The following ADRA1B variants were observed in gnomAD, a reference collection of about 807,000 sequenced individuals.
ADRA1B encodes the protein alpha-1B adrenergic receptor.
Under a neutral mutation model 17.9 loss-of-function variants are expected in ADRA1B, and 17 were observed. The observed-to-expected ratio is 0.95, with a 90% CI of 0.65 to 1.42. The LOEUF (loss-of-function observed/expected upper bound fraction) is 1.42. Among genes scored for constraint, ADRA1B ranks in the 40% most tolerant of loss-of-function variants. ADRA1B has a pLI of 0.00. For missense variants in ADRA1B, 681 were observed against 722.1 expected (o/e 0.94, Z 0.65); for synonymous variants, 366 against 327.6 (o/e 1.12, Z -1.27).
intron 1 of ADRA1B, among the ~76,000 whole-genome samples, chr5:159,919,468 T>C (rs924449686): frequency 1.3e-5 from 2 of 152,248 alleles, no homozygotes; most frequent in African/African-American, 4.8e-5. Context: ...CCTCAGTTTC[T>C]TCGTCTACAA....
chr5:159,887,850 C>A (rs1389559016), intron 1 of ADRA1B, among the ~76,000 whole-genome samples: 2 of 151,512 alleles, frequency 1.3e-5, no homozygotes, highest in Non-Finnish European at 1.5e-5. Context: ...GGAGCCCTAG[C>A]ATTTCGGTGG....
At chr5:159,901,427 AGAGGGGGAGGG>A (rs1259701590) in intron 1 of ADRA1B, among the ~76,000 whole-genome samples, 29 of 31,990 alleles carry the variant, frequency 9.1e-4, no homozygotes, top group South Asian at 1.6e-3. Context: ...AGGGGGAGGG[AGAGGGGGAGGG>A]GAGGGGGAGG....
At chr5:159,866,676 T>C (rs1311598846) in intron 1 of ADRA1B, among the ~76,000 whole-genome samples, 4 of 152,030 alleles carry the variant, frequency 2.6e-5, no homozygotes, top group Admixed American at 6.6e-5. Context: ...AAAACCATTA[T>C]GTGCTTTTAT....
the ADRA1B span, among the ~76,000 whole-genome samples, chr5:159,985,776 G>A: frequency 5.9e-5 from 9 of 152,244 alleles, no homozygotes; most frequent in Non-Finnish European, 1.2e-4. Flanking sequence ...AAGCAGTGCT[G>A]CCTCTGGGAC....
At chr5:159,911,097 T>C (rs748800650) in intron 1 of ADRA1B, among the ~76,000 whole-genome samples, 1 of 152,196 alleles carries the variant, frequency 6.6e-6, no homozygotes, top group Non-Finnish European at 1.5e-5. Flanking sequence ...GAGAAGGTCA[T>C]GGGGCAAACG....
At chr5:159,878,652 T>C (rs1202189409) in intron 1 of ADRA1B, among the ~76,000 whole-genome samples, 2 of 152,190 alleles carry the variant, frequency 1.3e-5, no homozygotes, top group East Asian at 3.8e-4. Flanking sequence ...ATTTTACAAG[T>C]AAGCAAACTG....
chr5:159,929,302 T>A (rs1481583865), intron 1 of ADRA1B, among the ~76,000 whole-genome samples: 1 of 152,240 alleles, frequency 6.6e-6, no homozygotes, highest in Non-Finnish European at 1.5e-5. Context: ...TATTTCAAGA[T>A]ATCTGCAACA....
At chr5:159,963,539 G>A (rs1755718603) in intron 1 of ADRA1B, among the ~76,000 whole-genome samples, 1 of 152,184 alleles carries the variant, frequency 6.6e-6, no homozygotes. Flanking sequence ...TTGTTGTAAA[G>A]GACAGTATGA....
chr5:159,955,248 A>T, intron 1 of ADRA1B: 1 of 955,430 alleles, frequency 1.0e-6, no homozygotes, highest in Non-Finnish European at 1.2e-6. Context: ...TGAGTCCCAT[A>T]TGTGGCCTCC....
chr5:159,888,539 T>A (rs1753950358), intron 1 of ADRA1B: 1 of 152,194 alleles, frequency 6.6e-6, no homozygotes, highest in Non-Finnish European at 1.5e-5. Flanking sequence ...AGAAGCATAT[T>A]AGGTATTTCA....
rs866103721 is a variant in ADRA1B at position 159,972,484 on chromosome 5, C to T, written c.1555C>T (p.Gln519Ter). Residue 519 changes from glutamine to a stop codon, truncating the protein, a stop_gained, in exon 2 of 2, where the codon CAG (glutamine) becomes TAG (stop). Transcript: ENST00000306675. LOFTEE classifies it high-confidence loss of function. Reference sequence around the variant, plus strand: ...AAGCAACATGCCCCTGGCGCCCGGGCAGTTTTAGGGCCCCCGTGCGCAGCT... The same window carrying T: ...AAGCAACATGCCCCTGGCGCCCGGGTAGTTTTAGGGCCCCCGTGCGCAGCT... Reference protein sequence around the residue: ...FKSNMPLAPGQF With the variant: ...FKSNMPLAPG 1 of 1,238,110 alleles carries T rather than the reference C, an allele frequency of 8.1e-7. No individual in the cohort carries two copies. The highest frequency in any genetic ancestry group is 1.0e-6 in the Non-Finnish European group (1 of 968,732). The allele number at this position is 1,238,110 out of a possible 1,614,324, so 76.7% of individuals were successfully genotyped here.
intron 1 of ADRA1B, among the ~76,000 whole-genome samples, chr5:159,865,910 A>G (rs1753646599): frequency 6.6e-6 from 1 of 152,228 alleles, no homozygotes; most frequent in Admixed American, 6.5e-5. Context: ...TGTGGCAGCT[A>G]GCTACAATGA....
chr5:159,888,032 A>G (rs1394487334), intron 1 of ADRA1B: 1 of 152,166 alleles, frequency 6.6e-6, no homozygotes. Context: ...GATTGAACCC[A>G]TTTATTTTTC....
chr5:159,963,432 G>A (rs1354604144), intron 1 of ADRA1B, among the ~76,000 whole-genome samples: 1 of 152,002 alleles, frequency 6.6e-6, no homozygotes, highest in Non-Finnish European at 1.5e-5. Flanking sequence ...GTGGCCTCGG[G>A]CAACTTACCT....
intron 1 of ADRA1B, among the ~76,000 whole-genome samples, chr5:159,907,071 A>G (rs7731339): frequency 0.012 from 1,855 of 152,238 alleles, 40 homozygotes; most frequent in African/African-American, 0.042. Context: ...GGTCTGATAC[A>G]CAAGGAAAAT....
the ADRA1B span, among the ~76,000 whole-genome samples, chr5:159,984,578 C>T: frequency 6.6e-6 from 1 of 152,010 alleles, no homozygotes; most frequent in Non-Finnish European, 1.5e-5. Context: ...TGCAGCTCCT[C>T]CCCAGCTACC....
chr5:159,942,839 G>A (rs890491950), intron 1 of ADRA1B, among the ~76,000 whole-genome samples: 5 of 152,126 alleles, frequency 3.3e-5, no homozygotes, highest in Admixed American at 6.5e-5. Flanking sequence ...GTAGGGATAC[G>A]AAATTAGGGA....
At chr5:159,906,852 T>C (rs1754166950) in intron 1 of ADRA1B, among the ~76,000 whole-genome samples, 1 of 152,226 alleles carries the variant, frequency 6.6e-6, no homozygotes, top group Non-Finnish European at 1.5e-5. Context: ...GACTGAATAC[T>C]CTTTTTTCTT....
At chr5:159,872,747 TTC>T (rs1228139323) in intron 1 of ADRA1B, among the ~76,000 whole-genome samples, 1 of 152,092 alleles carries the variant, frequency 6.6e-6, no homozygotes, top group African/African-American at 2.4e-5. Context: ...CAATAAAACC[TTC>T]CTTGGATTCA....
Sources: gnomAD v4.1 joint callset for allele counts (sites outside exome capture counted in the v4.1 genomes callset) on GRCh38, gnomAD v4.1.1 for gene constraint, MANE v1.5 for transcripts, NCBI Gene and HGNC (gene_info 2026-07-23, HGNC 2026-07-21) for gene names.